The following OR51B5 variants were observed in gnomAD, a reference collection of about 807,000 sequenced individuals.
OR51B5 encodes the protein olfactory receptor family 51 subfamily B member 5.
For missense variants in OR51B5, 456 were observed against 374.6 expected, an observed-to-expected ratio of 1.22 and a Z score of -1.79; for synonymous variants, 186 against 144.8, an observed-to-expected ratio of 1.28 and a Z score of -2.04.
intron 1 of OR51B5, chr11:5,454,085 A>G (rs746363660): frequency 2.5e-6 from 4 of 1,613,594 alleles, no homozygotes; most frequent in Non-Finnish European, 3.4e-6. Flanking sequence ...GCATCTATGG[A>G]CTCTTTGTTC....
At chr11:5,456,679 C>T (rs897091006) in intron 1 of OR51B5, among the ~76,000 whole-genome samples, 1 of 151,980 alleles carries the variant, frequency 6.6e-6, no homozygotes, top group East Asian at 1.9e-4. Context: ...TGCATGTCAC[C>T]GGGGTTTGGT....
intron 1 of OR51B5, among the ~76,000 whole-genome samples, chr11:5,416,344 G>A (rs933567962): frequency 2.0e-5 from 3 of 151,560 alleles, no homozygotes; most frequent in African/African-American, 7.3e-5. Flanking sequence ...AAAACTGGAA[G>A]CATTCCCTTT....
intron 1 of OR51B5, among the ~76,000 whole-genome samples, chr11:5,443,771 A>C (rs1357881822): frequency 1.3e-5 from 2 of 152,134 alleles, no homozygotes; most frequent in Non-Finnish European, 1.5e-5. Flanking sequence ...CTTTGTCCAC[A>C]GGAGTGTCCA....
At chr11:5,504,971 C>G (rs1000402436) in intron 1 of OR51B5, among the ~76,000 whole-genome samples, 1 of 152,252 alleles carries the variant, frequency 6.6e-6, no homozygotes, top group Non-Finnish European at 1.5e-5. Context: ...AATGAACACT[C>G]TTCTCCCTAG....
At chr11:5,344,834 G>C (rs1225516683), upstream of OR51B5, among the ~76,000 whole-genome samples, 1 of 152,076 alleles carries the variant, frequency 6.6e-6, no homozygotes, top group African/African-American at 2.4e-5. Flanking sequence ...AAATATAAAT[G>C]CAAGTTTAAC....
In OR51B5 at chr11:5,472,678, T is replaced by A. The variant is rs180837508; in HGVS notation, n.84+32891A>T. Among the ~76,000 whole-genome samples, 3 of 152,334 alleles carry A rather than the reference T, an allele frequency of 2.0e-5. No homozygotes were observed. In the East Asian group the frequency reaches 5.8e-4, roughly 29 times the overall value. ...GGAATTGAGAATGAAGACTGGCTTGTCCTGAAGTGATCAACATTTTCAGCT... is the reference window on the plus strand; with the variant it reads ...GGAATTGAGAATGAAGACTGGCTTGACCTGAAGTGATCAACATTTTCAGCT... On this transcript the variant is annotated intron_variant and non_coding_transcript_variant, in intron 1 of 4. Transcript: ENST00000415970.
intron 1 of OR51B5, among the ~76,000 whole-genome samples, chr11:5,443,414 T>G (rs1850720336): frequency 6.6e-6 from 1 of 152,050 alleles, no homozygotes; most frequent in Non-Finnish European, 1.5e-5. Flanking sequence ...GTTTTCTCCT[T>G]ATGGGCTACT....
chr11:5,434,126 C>T (rs1206612152), intron 1 of OR51B5, among the ~76,000 whole-genome samples: 3 of 152,104 alleles, frequency 2.0e-5, no homozygotes, highest in Non-Finnish European at 2.9e-5. Flanking sequence ...CACCCCATAC[C>T]GATTAAAGTA....
chr11:5,481,859 T>C (rs956821086), intron 1 of OR51B5, among the ~76,000 whole-genome samples: 8 of 141,222 alleles, frequency 5.7e-5, no homozygotes, highest in African/African-American at 1.7e-4. Context: ...TAAAAGAGGA[T>C]ACAAACAAAT....
intron 1 of OR51B5, chr11:5,440,968 G>A: frequency 1.2e-6 from 2 of 1,614,002 alleles, no homozygotes; most frequent in Middle Eastern, 1.7e-4. Context: ...AGATCTGGAT[G>A]GAGACAGTAG....
At chr11:5,431,345 G>C in intron 1 of OR51B5, 1 of 294,008 alleles carries the variant, frequency 3.4e-6, no homozygotes, top group Non-Finnish European at 6.7e-6. Context: ...TCAAACCAAA[G>C]AATGCCTGTA....
In OR51B5 at chr11:5,422,018, A is replaced by C; in HGVS notation, n.85-75108T>G. 8.9e-6 allele frequency: 5 copies of C among 561,858 alleles called. No individual in the cohort carries two copies. In the South Asian group the frequency reaches 1.0e-4, roughly 12 times the overall value. 34.8% of individuals were successfully genotyped at this position (561,858 alleles called of 1,614,324 possible). On this transcript the variant is annotated intron_variant and non_coding_transcript_variant, in intron 1 of 4. Coordinates refer to the OR51B5 transcript ENST00000415970. ...TTAGCTGTGTGGGAGCAGTCTGCAG[A>C]ATTGGGCTAAGGAAAGGATATCATA...
At chr11:5,424,939 G>A (rs1199064420) in intron 1 of OR51B5, among the ~76,000 whole-genome samples, 1 of 98,134 alleles carries the variant, frequency 1.0e-5, no homozygotes, top group African/African-American at 3.6e-5. Context: ...CCGAGATCCC[G>A]CCACTGCACT....
intron 1 of OR51B5, among the ~76,000 whole-genome samples, chr11:5,426,791 T>C (rs1051671026): frequency 2.0e-5 from 3 of 152,182 alleles, no homozygotes; most frequent in Non-Finnish European, 4.4e-5. Flanking sequence ...CCTCATCTGA[T>C]TACAGAAAGT....
chr11:5,425,141 G>A (rs1850429580), intron 1 of OR51B5, among the ~76,000 whole-genome samples: 1 of 151,868 alleles, frequency 6.6e-6, no homozygotes, highest in African/African-American at 2.4e-5. Flanking sequence ...ATTGCAAAAT[G>A]GAAGATGTGC....
At chr11:5,454,187 A>T in intron 1 of OR51B5, 1 of 1,605,782 alleles carries the variant, frequency 6.2e-7, no homozygotes, top group Non-Finnish European at 8.5e-7. Flanking sequence ...CCCGTGAGGA[A>T]CGCCTCAAAG....
exon 1 of OR51B5, chr11:5,505,619 C>T: frequency 2.0e-6 from 1 of 505,466 alleles, no homozygotes; most frequent in South Asian, 2.3e-5. Context: ...AGAAGCAAGT[C>T]ACATCCTACT....
At chr11:5,421,407 G>A (rs1360430575) in intron 1 of OR51B5, among the ~76,000 whole-genome samples, 3 of 152,322 alleles carry the variant, frequency 2.0e-5, no homozygotes, top group African/African-American at 7.2e-5. Context: ...AAGGGCACAT[G>A]ACTTGTTAGA....
At chr11:5,453,274 C>G in intron 1 of OR51B5, 1 of 396,428 alleles carries the variant, frequency 2.5e-6, no homozygotes, top group Non-Finnish European at 4.5e-6. Flanking sequence ...AATATTAGCT[C>G]AGCCTGCAGG....
Sources: allele counts gnomAD v4.1 joint callset (sites outside exome capture counted in the v4.1 genomes callset), GRCh38; gene constraint gnomAD v4.1.1; transcripts MANE v1.5; gene names NCBI Gene and HGNC (gene_info 2026-07-23, HGNC 2026-07-21).